Variants in SLC13A3 observed in about 807,000 individuals in gnomAD.
SLC13A3 encodes Na(+)/dicarboxylate cotransporter 3.
In SLC13A3, 40 loss-of-function variants were observed where a neutral mutation model predicts 59.0. The observed-to-expected ratio is 0.68, with a 90% CI of 0.53 to 0.88. The LOEUF (loss-of-function observed/expected upper bound fraction) is 0.88, where lower values mean the gene tolerates loss of function less well. SLC13A3 is among the 40% of genes least tolerant of loss of function. SLC13A3 has a pLI of 0.00. For missense variants in SLC13A3, 699 were observed against 783.2 expected, an observed-to-expected ratio of 0.89 and a Z score of 1.28; for synonymous variants, 317 against 330.3, an observed-to-expected ratio of 0.96 and a Z score of 0.44.
At chr20:46,654,978 A>T (rs78348900), upstream of SLC13A3, among the ~76,000 whole-genome samples, 7 of 152,344 alleles carry the variant, frequency 4.6e-5, no homozygotes, top group East Asian at 1.3e-3. Flanking sequence ...CACTTGAGAA[A>T]TGCTATGCAC....
intron 1 of SLC13A3, among the ~76,000 whole-genome samples, chr20:46,677,707 G>GT (rs2063134467): frequency 6.6e-6 from 1 of 152,164 alleles, no homozygotes; most frequent in African/African-American, 2.4e-5. Context: ...TCAGGGACAA[G>GT]TAACAAGAGG....
intron 5 of SLC13A3, among the ~76,000 whole-genome samples, chr20:46,595,761 C>T (rs916919195): frequency 7.9e-5 from 12 of 152,300 alleles, no homozygotes; most frequent in African/African-American, 2.2e-4. Flanking sequence ...TCCCCACTGT[C>T]GGCAATGCCT....
chr20:46,665,803 T>C, intron 1 of SLC13A3, among the ~76,000 whole-genome samples: 1 of 152,240 alleles, frequency 6.6e-6, no homozygotes, highest in East Asian at 1.9e-4. Flanking sequence ...TCTAACCTTT[T>C]GAGGAACTGC....
intron 6 of SLC13A3, among the ~76,000 whole-genome samples, chr20:46,591,411 G>A (rs910903607): frequency 6.6e-6 from 1 of 152,138 alleles, no homozygotes; most frequent in Non-Finnish European, 1.5e-5. Context: ...AGAAGCATAT[G>A]TATGTATTGC....
At chr20:46,585,558 G>A in intron 8 of SLC13A3, 4 of 1,055,014 alleles carry the variant, frequency 3.8e-6, no homozygotes, top group Non-Finnish European at 4.7e-6. Context: ...CCCATTTTAA[G>A]GGTATAGTTT....
chr20:46,665,567 G>A (rs181606164), intron 1 of SLC13A3, among the ~76,000 whole-genome samples: 27 of 152,258 alleles, frequency 1.8e-4, no homozygotes, highest in African/African-American at 5.5e-4. Context: ...GTCACAGCAC[G>A]CATTGGTACT....
At chr20:46,590,492 A>T (rs961996256) in intron 6 of SLC13A3, among the ~76,000 whole-genome samples, 3 of 152,192 alleles carry the variant, frequency 2.0e-5, no homozygotes, top group Non-Finnish European at 4.4e-5. Context: ...AACCCATTTG[A>T]AAAAAATGTA....
At chr20:46,655,393 T>A (rs945895979), upstream of SLC13A3, among the ~76,000 whole-genome samples, 1 of 149,912 alleles carries the variant, frequency 6.7e-6, no homozygotes, top group Non-Finnish European at 1.5e-5. Flanking sequence ...GAGGTTTAAT[T>A]AGCTCATGGT....
intron 1 of SLC13A3, among the ~76,000 whole-genome samples, chr20:46,663,647 A>G (rs1308516374): frequency 6.6e-6 from 1 of 152,184 alleles, no homozygotes; most frequent in East Asian, 1.9e-4. Context: ...TACATGATTT[A>G]ATTCATTGAA....
chr20:46,683,150 T>C (rs548354241), intron 1 of SLC13A3, among the ~76,000 whole-genome samples: 22 of 152,252 alleles, frequency 1.4e-4, no homozygotes, highest in African/African-American at 5.1e-4. Context: ...TGGCCACTGA[T>C]ACCGGAGATA....
intron 8 of SLC13A3, among the ~76,000 whole-genome samples, chr20:46,586,264 C>G (rs1234506297): frequency 6.6e-6 from 1 of 152,146 alleles, no homozygotes; most frequent in Non-Finnish European, 1.5e-5. Flanking sequence ...CCCACTCACA[C>G]CAGAATTTGA....
rs375529971 is a variant in SLC13A3 at position 46,677,656 on chromosome 20, G to C, written c.-31+6740C>G. 9.9e-5 allele frequency among the ~76,000 whole-genome samples: 15 copies of C among 152,270 alleles called. No homozygotes were observed. In the East Asian group the frequency reaches 2.7e-3, roughly 27 times the overall value. ...GGGATGCCCGTGAGGCCCTGGGGAAGATACATGCCATCTTATCTAAAGGTT... is the reference window on the plus strand; with the variant it reads ...GGGATGCCCGTGAGGCCCTGGGGAACATACATGCCATCTTATCTAAAGGTT... On this transcript the variant is annotated intron_variant, in intron 1 of 6. Transcript: ENST00000372121.
At chr20:46,600,389 G>GGAAA (rs139896803) in intron 3 of SLC13A3, among the ~76,000 whole-genome samples, 11 of 145,190 alleles carry the variant, frequency 7.6e-5, no homozygotes, top group Admixed American at 3.5e-4. Context: ...GGAAAGGGAG[G>GGAAA]GAAAGAAAGA....
chr20:46,643,988 G>A (rs1018269439), intron 1 of SLC13A3, among the ~76,000 whole-genome samples: 1 of 151,960 alleles, frequency 6.6e-6, no homozygotes, highest in Admixed American at 6.6e-5. Context: ...TAGTGAGCCG[G>A]GATCATGCCA....
chr20:46,667,929 A>G (rs556497194), intron 1 of SLC13A3, among the ~76,000 whole-genome samples: 41 of 152,060 alleles, frequency 2.7e-4, no homozygotes, highest in Non-Finnish European at 5.7e-4. Flanking sequence ...GTGATCAGTG[A>G]TCTTTGAAGT....
At chr20:46,617,588 TTGTGTGTGTGTGTGTGTGTGCGTG>T (rs897408329) in intron 1 of SLC13A3, among the ~76,000 whole-genome samples, 3 of 106,236 alleles carry the variant, frequency 2.8e-5, no homozygotes, top group Admixed American at 1.1e-4. Context: ...TCTGAAAAAC[TTGTGTGTGTGTGTGTGTGTGCGTG>T]TGTGTGTGTG....
chr20:46,587,130 T>C (rs2062201647), intron 8 of SLC13A3, among the ~76,000 whole-genome samples: 1 of 152,202 alleles, frequency 6.6e-6, no homozygotes, highest in Non-Finnish European at 1.5e-5. Flanking sequence ...CTCCTAACTA[T>C]TCTCCTCGTC....
chr20:46,645,357 G>A (rs1037847043), intron 1 of SLC13A3, among the ~76,000 whole-genome samples: 2 of 152,160 alleles, frequency 1.3e-5, no homozygotes, highest in Admixed American at 1.3e-4. Flanking sequence ...TTAGGACACC[G>A]ACACCTTTGG....
At chr20:46,600,257 GAAGGAAAGGA>G (rs151135493) in intron 3 of SLC13A3, among the ~76,000 whole-genome samples, 21 of 125,850 alleles carry the variant, frequency 1.7e-4, no homozygotes, top group African/African-American at 4.1e-4. Flanking sequence ...ATGGAGGAAG[GAAGGAAAGGA>G]AAGGAAAGGA....
Sources: allele counts gnomAD v4.1 joint callset (sites outside exome capture counted in the v4.1 genomes callset), GRCh38; gene constraint gnomAD v4.1.1; transcripts MANE v1.5; gene names NCBI Gene and HGNC (gene_info 2026-07-23, HGNC 2026-07-21).